C19orf18: variants seen among roughly 807,000 people sequenced by gnomAD.
C19orf18 encodes uncharacterized protein C19orf18.
In C19orf18, 21 loss-of-function variants were observed where a neutral mutation model predicts 23.3. The observed-to-expected ratio is 0.90, with a 90% CI of 0.64 to 1.30. The LOEUF is 1.30. Ranked by LOEUF, C19orf18 falls within the 50% of genes most tolerant of loss-of-function variation. The pLI, the probability that C19orf18 is intolerant of heterozygous loss-of-function variation, is 0.00. For missense variants in C19orf18, 249 were observed against 259.6 expected (o/e 0.96, Z 0.28); for synonymous variants, 96 against 95.2 (o/e 1.01, Z -0.05).
At chr19:57,959,149 TCTA>T (rs1171162430) in intron 5 of C19orf18, among the ~76,000 whole-genome samples, 1 of 152,174 alleles carries the variant, frequency 6.6e-6, no homozygotes, top group East Asian at 1.9e-4. Context: ...CACTACACTC[TCTA>T]TAGTTTTCTC....
In C19orf18 at chr19:57,958,604, A is replaced by G; in HGVS notation, c.646T>C (p.Ter216ArgextTer49). Reference protein sequence around the residue: ...ASHNGKMEDL* With the variant: ...ASHNGKMEDLR ...GCCGGCACCTCTGTCGTCTGCGTTCACAAGTCTTCCATTTTTCCATTATGT... is the reference window on the plus strand; with the variant it reads ...GCCGGCACCTCTGTCGTCTGCGTTCGCAAGTCTTCCATTTTTCCATTATGT... The change falls in exon 6 of 6, where the codon TGA becomes CGA. Residue 216 changes from the stop codon to arginine (R), a stop_lost. Coordinates refer to ENST00000314391, the MANE Select transcript of C19orf18 (RefSeq NM_152474.5). 6.3e-7 allele frequency: 1 copy of G among 1,594,186 alleles called. No homozygotes were observed. The highest frequency in any genetic ancestry group is 8.6e-7 in the Non-Finnish European group (1 of 1,167,188).
At chr19:57,972,429 G>T (rs747218238) in intron 3 of C19orf18, 34 bp downstream of exon 3, 1 of 1,611,314 alleles carries the variant, frequency 6.2e-7, no homozygotes, top group South Asian at 1.1e-5. Context: ...GGAATGTTGC[G>T]GGTCCACCCG....
chr19:57,962,187 TG>T (rs2072878056), intron 4 of C19orf18, among the ~76,000 whole-genome samples: 2 of 151,916 alleles, frequency 1.3e-5, no homozygotes, highest in South Asian at 4.2e-4. Context: ...CGTGGCACCA[TG>T]CCCGGCTAAT....
intron 5 of C19orf18, among the ~76,000 whole-genome samples, chr19:57,960,814 G>C (rs187276361): frequency 2.6e-5 from 4 of 152,140 alleles, no homozygotes; most frequent in Non-Finnish European, 4.4e-5. Context: ...GTTCATTTCC[G>C]TAAGTGTGGC....
At chr19:57,967,149 G>T (rs1310662150) in intron 3 of C19orf18, among the ~76,000 whole-genome samples, 1 of 151,894 alleles carries the variant, frequency 6.6e-6, no homozygotes, top group Non-Finnish European at 1.5e-5. Flanking sequence ...GAGGTCACTA[G>T]AGACCTGGGC....
In C19orf18 at chr19:57,961,166, CG is replaced by C. The variant is rs2072868599; in HGVS notation, c.532+224del. 2.0e-5 allele frequency among the ~76,000 whole-genome samples: 3 copies of C among 151,524 alleles called. No individual in the cohort carries two copies. In the Admixed American group the frequency reaches 2.0e-4, roughly 10 times the overall value. On this transcript the variant is annotated intron_variant, in intron 5 of 5. Coordinates refer to ENST00000314391, the MANE Select transcript of C19orf18 (RefSeq NM_152474.5). The stretch of plus-strand genomic sequence containing the variant: ...AGGAGAATGGCGTGAATCTGGGAGG[CG>C]GAGCTTGCAGTGAGCAGAGATCGCG...
intron 4 of C19orf18, among the ~76,000 whole-genome samples, chr19:57,962,289 G>T (rs191875032): frequency 9.3e-4 from 141 of 151,880 alleles, no homozygotes; most frequent in Non-Finnish European, 1.6e-3. Context: ...TTTCCTCCTT[G>T]GCCTCCCAAA....
intron 4 of C19orf18, among the ~76,000 whole-genome samples, chr19:57,964,155 A>C (rs1458586605): frequency 2.6e-5 from 4 of 152,186 alleles, no homozygotes; most frequent in Non-Finnish European, 1.5e-5. Context: ...AAACAATAAG[A>C]ATTGACTAGC....
At chr19:57,965,458 A>G (rs1176453492) in intron 4 of C19orf18, among the ~76,000 whole-genome samples, 1 of 152,142 alleles carries the variant, frequency 6.6e-6, no homozygotes, top group African/African-American at 2.4e-5. Flanking sequence ...AAAATACCAA[A>G]TTCTGGGGTC....
intron 3 of C19orf18, among the ~76,000 whole-genome samples, chr19:57,969,577 A>AAAAAAAAAAAAAAAAAAAAAAAAC (rs2072931060): frequency 8.0e-6 from 1 of 124,904 alleles, no homozygotes. Context: ...AAAAAAAAAA[A>AAAAAAAAAAAAAAAAAAAAAAAAC]AAAAAAAAAA....
chr19:57,966,762 T>C, intron 3 of C19orf18, 130 bp from the exon 4 acceptor site: 2 of 605,968 alleles, frequency 3.3e-6, no homozygotes, highest in East Asian at 2.9e-5. Flanking sequence ...TAGCTTGTTT[T>C]GTTTTTTTTT....
chr19:57,968,343 A>G (rs1301166475), intron 3 of C19orf18, among the ~76,000 whole-genome samples: 1 of 152,228 alleles, frequency 6.6e-6, no homozygotes, highest in Non-Finnish European at 1.5e-5. Flanking sequence ...GGACACCAGC[A>G]TTCAGACCAG....
At chr19:57,959,336 A>C (rs2123214159) in intron 5 of C19orf18, among the ~76,000 whole-genome samples, 1 of 152,204 alleles carries the variant, frequency 6.6e-6, no homozygotes, top group South Asian at 2.1e-4. Flanking sequence ...AAAAATACAA[A>C]AACTAGCCCG....
At chr19:57,962,708 T>C (rs2072882030) in intron 4 of C19orf18, among the ~76,000 whole-genome samples, 1 of 151,864 alleles carries the variant, frequency 6.6e-6, no homozygotes, top group Non-Finnish European at 1.5e-5. Context: ...AAATACAAAA[T>C]TAGCAGGGCG....
chr19:57,961,263 GAAGA>G (rs386389356), intron 5 of C19orf18, 124 bp downstream of exon 5: 137 of 1,048,920 alleles, frequency 1.3e-4, no homozygotes, highest in Middle Eastern at 6.3e-4. Context: ...AGAAAGGAAG[GAAGA>G]AAGAAAGAAA....
Position 57,974,491 on chromosome 19 carries a change from C to A in C19orf18, c.-59G>T. On this transcript the variant is annotated 5_prime_UTR_variant, in exon 1 of 6. Transcript: ENST00000314391. ...TGAAAGGAAATACTTAGCTACAGTC[C>A]AGCATCTGTCCTCTATTTATCTGAG... 1 of 1,590,674 alleles carries A rather than the reference C, an allele frequency of 6.3e-7. No individual in the cohort carries two copies. The highest frequency in any genetic ancestry group is 8.6e-7 in the Non-Finnish European group (1 of 1,164,616).
chr19:57,966,767 T>C, intron 3 of C19orf18, 135 bp from the exon 4 acceptor site: 1 of 620,868 alleles, frequency 1.6e-6, no homozygotes, highest in Non-Finnish European at 2.8e-6. Context: ...TGTTTTGTTT[T>C]TTTTTGTTTT....
chr19:57,959,726 T>C (rs1484010913), intron 5 of C19orf18, among the ~76,000 whole-genome samples: 4 of 144,562 alleles, frequency 2.8e-5, no homozygotes, highest in Admixed American at 7.0e-5. Flanking sequence ...GCCCAGGAGG[T>C]TGGGGCTTCA....
chr19:57,969,207 C>T lies in C19orf18; in HGVS notation c.269-2575G>A, dbSNP rs2072927297. On this transcript the variant is annotated intron_variant, in intron 3 of 5. Coordinates refer to ENST00000314391, the MANE Select transcript of C19orf18 (RefSeq NM_152474.5). The stretch of plus-strand genomic sequence containing the variant: ...GAAGATCATTTGCATGTCTGGGAGT[C>T]TTGCCATAACTGATTAAAATAAATC... Among the ~76,000 whole-genome samples the T allele has an allele frequency of 3.9e-5, 6 of 152,100 alleles. No homozygotes were observed. In the South Asian group the frequency reaches 1.2e-3, roughly 32 times the overall value.
Sources: allele counts gnomAD v4.1 joint callset (sites outside exome capture counted in the v4.1 genomes callset), GRCh38; gene constraint gnomAD v4.1.1; transcripts MANE v1.5; gene names NCBI Gene and HGNC (gene_info 2026-07-23, HGNC 2026-07-21).